The following GNAO1 variants were observed in gnomAD, a reference collection of about 807,000 sequenced individuals.
GNAO1 encodes the protein guanine nucleotide-binding protein G(o) subunit alpha.
For missense variants in GNAO1, 166 were observed against 478.7 expected (o/e 0.35, Z 6.10); for synonymous variants, 164 against 180.7 (o/e 0.91, Z 0.74).
rs1476363509 is a variant in GNAO1 at position 56,357,411 on chromosome 16, T to C, written c.*1337T>C. The C allele has an allele frequency of 6.6e-6, 1 of 152,238 alleles. No homozygotes were observed. The highest frequency in any genetic ancestry group is 1.5e-5 in the Non-Finnish European group (1 of 68,042). 9.4% of individuals were successfully genotyped at this position (152,238 alleles called of 1,614,324 possible). A position where few individuals can be genotyped will look rare whatever the true frequency, so the allele number is the denominator to read the frequency against. ...ACTTCTCTGACTAATGGAAAATTCC[T>C]GTGTAGCTCAATAAAAGAGAATGTT... is the stretch of plus-strand genomic sequence containing the variant. On this transcript the variant is annotated 3_prime_UTR_variant, in exon 9 of 9. Transcript: ENST00000262493.
intron 2 of GNAO1, among the ~76,000 whole-genome samples, chr16:56,252,420 T>C (rs1017899554): frequency 6.6e-6 from 1 of 152,148 alleles, no homozygotes; most frequent in Non-Finnish European, 1.5e-5. Context: ...AGGAGAGCAG[T>C]TCAGATGAGG....
At chr16:56,207,820 A>AC (rs1208213756) in intron 2 of GNAO1, among the ~76,000 whole-genome samples, 1 of 152,212 alleles carries the variant, frequency 6.6e-6, no homozygotes, top group Non-Finnish European at 1.5e-5. Flanking sequence ...TTTTGTTGTG[A>AC]TGTAGATCAA....
intron 2 of GNAO1, among the ~76,000 whole-genome samples, chr16:56,265,147 A>G (rs1277823024): frequency 1.3e-5 from 2 of 152,356 alleles, no homozygotes; most frequent in East Asian, 3.9e-4. Context: ...TGAAGCTGGA[A>G]AGAGCTCTCA....
At chr16:56,251,541 A>G (rs2143456532) in intron 2 of GNAO1, among the ~76,000 whole-genome samples, 1 of 152,338 alleles carries the variant, frequency 6.6e-6, no homozygotes, top group South Asian at 2.1e-4. Flanking sequence ...AATGGGTCTT[A>G]GGAAAAAGGA....
chr16:56,253,048 C>G (rs2036814240), intron 2 of GNAO1, among the ~76,000 whole-genome samples: 1 of 152,222 alleles, frequency 6.6e-6, no homozygotes, highest in South Asian at 2.1e-4. Flanking sequence ...CGGCTAACCT[C>G]TGAGTGTCTG....
intron 2 of GNAO1, among the ~76,000 whole-genome samples, chr16:56,237,271 G>A (rs181246583): frequency 4.7e-4 from 72 of 152,282 alleles, no homozygotes; most frequent in Middle Eastern, 6.8e-3. Flanking sequence ...GCAGTCATTC[G>A]TTAAACAGAT....
At chr16:56,244,989 G>A (rs2036729547) in intron 2 of GNAO1, among the ~76,000 whole-genome samples, 2 of 152,184 alleles carry the variant, frequency 1.3e-5, no homozygotes, top group Admixed American at 6.5e-5. Context: ...TCTATCCAGT[G>A]CATTTTCTCT....
intron 2 of GNAO1, among the ~76,000 whole-genome samples, chr16:56,200,703 T>A (rs188202899): frequency 1.6e-4 from 25 of 152,290 alleles, no homozygotes; most frequent in Middle Eastern, 3.4e-3. Flanking sequence ...CACACCCAGA[T>A]GTTGATGGTG....
chr16:56,342,091 C>T (rs1359926393), intron 6 of GNAO1, among the ~76,000 whole-genome samples: 2 of 152,326 alleles, frequency 1.3e-5, no homozygotes, highest in East Asian at 3.9e-4. Context: ...TCCCTGGAAG[C>T]TCCCAGCCAG....
At chr16:56,297,522 G>GGTGTGTGTGTGT (rs10545712) in intron 3 of GNAO1, among the ~76,000 whole-genome samples, 47 of 134,406 alleles carry the variant, frequency 3.5e-4, no homozygotes, top group East Asian at 2.0e-3. Context: ...TTGTCTAACT[G>GGTGTGTGTGTGT]GTGTGTGTGT....
chr16:56,316,110 C>T (rs1175203758), intron 3 of GNAO1, among the ~76,000 whole-genome samples: 2 of 152,070 alleles, frequency 1.3e-5, no homozygotes, highest in African/African-American at 4.8e-5. Context: ...CTCTCCCCGG[C>T]GTGCCCTGCC....
At chr16:56,294,719 A>C (rs1455446369) in intron 3 of GNAO1, among the ~76,000 whole-genome samples, 1 of 152,206 alleles carries the variant, frequency 6.6e-6, no homozygotes, top group Non-Finnish European at 1.5e-5. Flanking sequence ...AGTACTGTTG[A>C]AAATTCCACC....
chr16:56,283,459 G>A (rs2037133865), intron 3 of GNAO1, among the ~76,000 whole-genome samples: 1 of 152,208 alleles, frequency 6.6e-6, no homozygotes, highest in East Asian at 1.9e-4. Flanking sequence ...TTTTCAGAAT[G>A]TCATTGGATC....
Position 56,346,862 on chromosome 16 carries a change from T to C in GNAO1, c.724-4522T>C, listed in dbSNP as rs1168807914. ...CAACTTGCAAGCCCTGTAACTAAGCTGTCTATAAACCCCAGCAGGGAAGGC... is the reference window on the plus strand; with the variant it reads ...CAACTTGCAAGCCCTGTAACTAAGCCGTCTATAAACCCCAGCAGGGAAGGC... On this transcript the variant is annotated intron_variant, in intron 6 of 8. Coordinates refer to ENST00000262493, the MANE Select transcript of GNAO1 (RefSeq NM_020988.3). 4 of 985,354 alleles carry C rather than the reference T, an allele frequency of 4.1e-6. No individual in the cohort carries two copies. The African/African-American group carries it at 7.0e-5, about 17-fold the overall frequency. The allele number at this position is 985,354 out of a possible 1,614,324, so 61.0% of individuals were successfully genotyped here.
chr16:56,341,227 C>T (rs527846827), intron 6 of GNAO1, among the ~76,000 whole-genome samples: 17 of 152,318 alleles, frequency 1.1e-4, no homozygotes, highest in East Asian at 3.9e-4. Flanking sequence ...GTGACCATGG[C>T]GGCCTCTGGG....
chr16:56,332,992 G>A (rs1422684690), intron 4 of GNAO1, among the ~76,000 whole-genome samples: 3 of 152,206 alleles, frequency 2.0e-5, no homozygotes, highest in Non-Finnish European at 4.4e-5. Context: ...GAGGCCGGGG[G>A]CGTGTACAGG....
At chr16:56,314,476 T>TA (rs2037488682) in intron 3 of GNAO1, among the ~76,000 whole-genome samples, 1 of 152,228 alleles carries the variant, frequency 6.6e-6, no homozygotes, top group African/African-American at 2.4e-5. Flanking sequence ...GTTTTGTGCT[T>TA]ACTTCCCATG....
chr16:56,258,334 G>T (rs908167273), intron 2 of GNAO1, among the ~76,000 whole-genome samples: 9 of 152,196 alleles, frequency 5.9e-5, no homozygotes, highest in Non-Finnish European at 1.3e-4. Context: ...GTAAAATGAG[G>T]ATAACTGGGT....
chr16:56,302,727 G>T (rs532384631), intron 3 of GNAO1: 1 of 152,296 alleles, frequency 6.6e-6, no homozygotes. Context: ...CAGCCAGCCC[G>T]CCAGCCCCTG....
Sources: gnomAD v4.1 joint callset for allele counts (sites outside exome capture counted in the v4.1 genomes callset) on GRCh38, gnomAD v4.1.1 for gene constraint, MANE v1.5 for transcripts, NCBI Gene and HGNC (gene_info 2026-07-23, HGNC 2026-07-21) for gene names.